Variants in KLHL2 observed in about 807,000 individuals in gnomAD.
The protein encoded by KLHL2 is kelch-like protein 2.
Under a neutral mutation model 75.8 loss-of-function variants are expected in KLHL2, and 15 were observed. The observed-to-expected ratio is 0.20, with a 90% CI of 0.13 to 0.30. The LOEUF (loss-of-function observed/expected upper bound fraction) is 0.30, where lower values mean the gene tolerates loss of function less well. Ranked by LOEUF, KLHL2 falls within the 10% of genes least tolerant of loss-of-function variation. The pLI is 1.00. For synonymous variants in KLHL2, 214 were observed against 251.9 expected (o/e 0.85, Z 1.42); for missense variants, 381 against 741.0 (o/e 0.51, Z 5.64).
At chr4:165,225,092 G>A (rs535190257) in intron 2 of KLHL2, among the ~76,000 whole-genome samples, 4 of 152,248 alleles carry the variant, frequency 2.6e-5, no homozygotes, top group Admixed American at 2.0e-4. Context: ...TCCTGGGAAG[G>A]ACCAATTTTC....
chr4:165,285,286 G>C (rs1162519756), intron 5 of KLHL2, among the ~76,000 whole-genome samples: 8 of 152,062 alleles, frequency 5.3e-5, no homozygotes, highest in African/African-American at 7.2e-5. Context: ...GAATTAACAG[G>C]GTTTATGAAA....
At chr4:165,266,843 C>T (rs1256204963) in intron 5 of KLHL2, among the ~76,000 whole-genome samples, 1 of 151,942 alleles carries the variant, frequency 6.6e-6, no homozygotes, top group Non-Finnish European at 1.5e-5. Flanking sequence ...GTAGTTTTTT[C>T]CAATTCTGTG....
At chr4:165,231,304 C>A (rs1738867265) in intron 3 of KLHL2, among the ~76,000 whole-genome samples, 1 of 152,086 alleles carries the variant, frequency 6.6e-6, no homozygotes, top group South Asian at 2.1e-4. Context: ...AAAAAATCAG[C>A]TTAGTGTGGT....
rs573632161 is a variant in KLHL2, at chr4:165,319,135, C to T, written c.1753+1166C>T. On this transcript the variant is annotated intron_variant, in intron 14 of 14. Coordinates refer to ENST00000226725, the MANE Select transcript of KLHL2 (RefSeq NM_007246.4). The surrounding 1 kb of genome is among the most constrained non-coding windows in gnomAD (Gnocchi z 4.5). ...TGTACTACTATAATAATTTTATAGC[C>T]GTCTCCTGTTGCTGTATTGGTGAGC... 3.3e-5 allele frequency among the ~76,000 whole-genome samples: 5 copies of T among 152,138 alleles called. No individual in the cohort carries two copies. Among genetic ancestry groups the T allele is most frequent in the East Asian group, 3.9e-4 (2 of 5,178 alleles).
chr4:165,282,182 C>T (rs1319994464), intron 5 of KLHL2, among the ~76,000 whole-genome samples: 2 of 152,210 alleles, frequency 1.3e-5, no homozygotes, highest in African/African-American at 4.8e-5. Flanking sequence ...ACAGATTAAA[C>T]TCTGAGATGA....
intron 11 of KLHL2, among the ~76,000 whole-genome samples, chr4:165,312,172 ACCT>A (rs1746255382): frequency 6.6e-6 from 1 of 151,930 alleles, no homozygotes; most frequent in African/African-American, 2.4e-5. Context: ...CCTGCCGCTC[ACCT>A]CCTGTTGTGC....
chr4:165,306,751 T>C (rs914293129), intron 9 of KLHL2, among the ~76,000 whole-genome samples: 9 of 152,236 alleles, frequency 5.9e-5, no homozygotes, highest in African/African-American at 1.9e-4. Flanking sequence ...AATAGTTTTA[T>C]TGATGTCACA....
In KLHL2 at chr4:165,228,882, C is replaced by T; in HGVS notation, c.228C>T (p.Ala76=). The T allele has an allele frequency of 1.2e-6, 2 of 1,611,140 alleles. No individual in the cohort carries two copies. The highest frequency in any genetic ancestry group is 2.2e-5 in the East Asian group (1 of 44,858). Residue 76 remains alanine (A), a synonymous_variant, in exon 3 of 15, where the codon GCC becomes GCT. Transcript: ENST00000226725. ...EISAHRVVLA[A]CSPYFHAMFT... ...CTGCTCATAGAGTGGTGCTGGCCGC[C>T]TGTAGTCCTTATTTTCATGCCATGT...
At chr4:165,231,900 C>T (rs1738924150) in intron 3 of KLHL2, among the ~76,000 whole-genome samples, 2 of 152,166 alleles carry the variant, frequency 1.3e-5, no homozygotes, top group Non-Finnish European at 2.9e-5. Context: ...CCTATTTCTC[C>T]ACATCCTTGC....
At chr4:165,282,820 TGTTTGTATTAGTCC>T (rs1322521206) in intron 5 of KLHL2, among the ~76,000 whole-genome samples, 1 of 150,672 alleles carries the variant, frequency 6.6e-6, no homozygotes, top group Non-Finnish European at 1.5e-5. Flanking sequence ...TAATAGTAAG[TGTTTGTATTAGTCC>T]ATTTCCATGC....
At chr4:165,280,598 A>G (rs1324047540) in intron 5 of KLHL2, among the ~76,000 whole-genome samples, 1 of 152,266 alleles carries the variant, frequency 6.6e-6, no homozygotes, top group Non-Finnish European at 1.5e-5. Flanking sequence ...TTACTGATAC[A>G]GAAGATTCTT....
intron 13 of KLHL2, among the ~76,000 whole-genome samples, chr4:165,314,716 A>G (rs921182051): frequency 6.6e-6 from 1 of 152,194 alleles, no homozygotes; most frequent in African/African-American, 2.4e-5. Context: ...AAATAATTTT[A>G]AGAAAGTAGA....
intron 3 of KLHL2, among the ~76,000 whole-genome samples, chr4:165,230,928 TA>T (rs1738833495): frequency 6.6e-6 from 1 of 152,254 alleles, no homozygotes; most frequent in African/African-American, 2.4e-5. Flanking sequence ...TCTGATTTTC[TA>T]AGTATTTATA....
intron 14 of KLHL2, among the ~76,000 whole-genome samples, chr4:165,320,508 A>G (rs1449978335): frequency 6.6e-6 from 1 of 152,166 alleles, no homozygotes; most frequent in Non-Finnish European, 1.5e-5. Context: ...GAAGTGGTCT[A>G]CTTGCCCCTA....
rs557073280 is a variant in KLHL2 at position 165,317,760 on chromosome 4, G to A, written c.1610-66G>A. 1.1e-4 allele frequency: 141 copies of A among 1,237,478 alleles called. No homozygotes were observed. The East Asian group carries it at 3.2e-3, about 28-fold the overall frequency. The allele number at this position is 1,237,478 out of a possible 1,614,324, so 76.7% of individuals were successfully genotyped here. Reference sequence around the variant, plus strand: ...GTCTCTGGATTACCTCACTAAACATGTACAGTGATACTCATATTCATCCCA... The same window carrying A: ...GTCTCTGGATTACCTCACTAAACATATACAGTGATACTCATATTCATCCCA... On this transcript the variant is annotated intron_variant, in intron 13 of 14. Coordinates refer to ENST00000226725, the MANE Select transcript of KLHL2 (RefSeq NM_007246.4).
intron 4 of KLHL2, among the ~76,000 whole-genome samples, chr4:165,261,351 T>C (rs994579395): frequency 2.0e-5 from 3 of 152,198 alleles, no homozygotes; most frequent in African/African-American, 7.2e-5. Context: ...TTTTTATTTT[T>C]ATTTTTTGAG....
At chr4:165,235,443 C>T (rs1211413753) in intron 3 of KLHL2, among the ~76,000 whole-genome samples, 2 of 152,236 alleles carry the variant, frequency 1.3e-5, no homozygotes, top group Non-Finnish European at 2.9e-5. Flanking sequence ...TCACATGATC[C>T]GCCTGCCTTG....
At chr4:165,240,720 C>T (rs1375677781) in intron 4 of KLHL2, among the ~76,000 whole-genome samples, 1 of 152,118 alleles carries the variant, frequency 6.6e-6, no homozygotes, top group African/African-American at 2.4e-5. Context: ...CATTTTAGTG[C>T]ATGGGCCTCA....
chr4:165,266,113 G>A (rs936037062), intron 5 of KLHL2, among the ~76,000 whole-genome samples: 1 of 152,164 alleles, frequency 6.6e-6, no homozygotes, highest in Admixed American at 6.5e-5. Context: ...CTGCATAAAT[G>A]TCTTCTTTTG....
Sources: gnomAD v4.1 joint callset for allele counts (sites outside exome capture counted in the v4.1 genomes callset) on GRCh38, gnomAD v4.1.1 for gene constraint, Gnocchi (gnomAD v3.1) non-coding constraint, MANE v1.5 for transcripts, NCBI Gene and HGNC (gene_info 2026-07-23, HGNC 2026-07-21) for gene names.